ATXN7: variants seen among roughly 807,000 people sequenced by gnomAD.
ATXN7 encodes ataxin-7.
A neutral mutation model predicts 70.5 loss-of-function variants in ATXN7; 12 were observed. The ratio of observed to expected loss-of-function variants is 0.17; its 90% CI spans 0.11 to 0.28. The LOEUF (loss-of-function observed/expected upper bound fraction) is 0.28. Among genes scored for constraint, ATXN7 ranks in the 10% least tolerant of loss-of-function variants. The probability of loss-of-function intolerance (pLI) is 1.00; values close to 1 mark genes in which losing one functional copy is unlikely to be tolerated. For synonymous variants in ATXN7, 498 were observed against 448.7 expected (o/e 1.11, Z -1.39); for missense variants, 1,256 against 1,131.7 (o/e 1.11, Z -1.58).
Position 63,955,610 on chromosome 3 carries a change from G to A in ATXN7, c.499+3127G>A, listed in dbSNP as rs138342760. On this transcript the variant is annotated intron_variant, in intron 5 of 12. Transcript: ENST00000674280. ...TTATTTTTGGTACATTTTCTTTTTT[G>A]TTGAAATTTTTAGAAAGCCAGTTGT... 2.4e-4 allele frequency among the ~76,000 whole-genome samples: 37 copies of A among 152,266 alleles called. No homozygotes were observed. In the East Asian group the frequency reaches 5.8e-3, roughly 24 times the overall value.
intron 11 of ATXN7, among the ~76,000 whole-genome samples, chr3:63,993,475 T>C (rs577753927): frequency 6.7e-6 from 1 of 149,332 alleles, no homozygotes; most frequent in Non-Finnish European, 1.5e-5. Context: ...GAAAAACGAG[T>C]ATAAAGAGGC....
chr3:63,894,095 A>G (rs1703370978), intron 1 of ATXN7, among the ~76,000 whole-genome samples: 4 of 152,192 alleles, frequency 2.6e-5, no homozygotes, highest in Middle Eastern at 3.2e-3. Flanking sequence ...AGTTTTGGGG[A>G]CACAAGCATG....
At chr3:63,906,333 A>C (rs1282761668) in intron 2 of ATXN7, among the ~76,000 whole-genome samples, 1 of 152,198 alleles carries the variant, frequency 6.6e-6, no homozygotes, top group African/African-American at 2.4e-5. Flanking sequence ...AAGGAGGAAG[A>C]AGCATTTGTG....
Position 64,001,214 on chromosome 3 carries a change from A to G in ATXN7, c.*1747A>G, listed in dbSNP as rs988359846. The G allele has an allele frequency of 6.6e-6, 1 of 152,236 alleles. No homozygotes were observed. Among genetic ancestry groups the G allele is most frequent in the African/African-American group, 2.4e-5 (1 of 41,464 alleles). The allele number at this position is 152,236 out of a possible 1,614,324, so 9.4% of individuals were successfully genotyped here. A position where few individuals can be genotyped will look rare whatever the true frequency, so the allele number is the denominator to read the frequency against. On this transcript the variant is annotated 3_prime_UTR_variant, in exon 13 of 13. Transcript: ENST00000674280. ...ATGCAGATACTTTAGCTATAAATTG[A>G]TGTAAAATACTGATTTTTTTAAAGG...
chr3:63,955,236 C>T (rs1288829353), intron 5 of ATXN7, among the ~76,000 whole-genome samples: 1 of 152,126 alleles, frequency 6.6e-6, no homozygotes, highest in Non-Finnish European at 1.5e-5. Flanking sequence ...TGAGGTCCCT[C>T]TAGTGACAAG....
At chr3:63,992,043 C>G (rs1415942208) in intron 11 of ATXN7, among the ~76,000 whole-genome samples, 5 of 152,070 alleles carry the variant, frequency 3.3e-5, no homozygotes, top group African/African-American at 1.2e-4. Flanking sequence ...AGTGACTGTC[C>G]AGTAATCCCC....
chr3:63,883,016 T>C (rs1702963298), intron 1 of ATXN7, among the ~76,000 whole-genome samples: 1 of 152,238 alleles, frequency 6.6e-6, no homozygotes, highest in Admixed American at 6.5e-5. Flanking sequence ...CTTTTCTTTC[T>C]AAGGTGTTAT....
Position 63,902,401 on chromosome 3 carries a change from C to T in ATXN7, c.-12+3904C>T, listed in dbSNP as rs138881438. ...TTGCACTTGAGCCTGGGCAACAGAGCGAGACCCTGTCTCAAAGTAAATAAA... is the reference window on the plus strand; with the variant it reads ...TTGCACTTGAGCCTGGGCAACAGAGTGAGACCCTGTCTCAAAGTAAATAAA... On this transcript the variant is annotated intron_variant, in intron 2 of 12. Coordinates refer to ENST00000674280, the MANE Select transcript of ATXN7 (RefSeq NM_001377405.1). Among the ~76,000 whole-genome samples the T allele has an allele frequency of 4.7e-3, 716 of 152,094 alleles. 5 individuals carry two copies. The highest frequency in any genetic ancestry group is 8.1e-3 in the Admixed American group (123 of 15,264).
intron 12 of ATXN7, chr3:63,997,495 C>T (rs2106810168): frequency 2.7e-6 from 2 of 749,268 alleles, no homozygotes; most frequent in Middle Eastern, 2.3e-4. Flanking sequence ...GACTTTCTCT[C>T]TTAGGCTGTA....
chr3:63,928,577 T>C (rs945754212), intron 4 of ATXN7, among the ~76,000 whole-genome samples: 5 of 152,174 alleles, frequency 3.3e-5, no homozygotes, highest in African/African-American at 1.2e-4. Context: ...ATGGACTGCC[T>C]CAATCCTTAC....
At chr3:63,863,832 AGGCGGCGGTTGGC>A (rs1172502186), upstream of ATXN7, 1 of 1,218,592 alleles carries the variant, frequency 8.2e-7, no homozygotes, top group Non-Finnish European at 1.0e-6. Context: ...GCGCAAGCTG[AGGCGGCGGTTGGC>A]GGCGGCGGAG....
At chr3:63,967,787 T>TTACAGTAGTAGCAAATGTTACATA in intron 5 of ATXN7, 1 of 1,482,842 alleles carries the variant, frequency 6.7e-7, no homozygotes, top group South Asian at 1.3e-5. Flanking sequence ...CAAGTGCTTT[T>TTACAGTAGTAGCAAATGTTACATA]TACAGTAGTA....
At chr3:63,877,165 C>T (rs974803228) in intron 1 of ATXN7, among the ~76,000 whole-genome samples, 15 of 152,078 alleles carry the variant, frequency 9.9e-5, no homozygotes, top group Non-Finnish European at 2.1e-4. Context: ...TCAAGAATTA[C>T]ATAAATTTGG....
chr3:63,948,124 A>G (rs1487468178), intron 4 of ATXN7, among the ~76,000 whole-genome samples: 1 of 152,150 alleles, frequency 6.6e-6, no homozygotes, highest in Non-Finnish European at 1.5e-5. Flanking sequence ...GACTTCTTCC[A>G]GAGTTCATTG....
chr3:63,967,746 T>C (rs965527231), intron 5 of ATXN7: 70 of 1,409,474 alleles, frequency 5.0e-5, no homozygotes, highest in Non-Finnish European at 6.3e-5. Context: ...CACCCCCTGT[T>C]TTCTGTTGAT....
At chr3:63,982,114 C>T in intron 6 of ATXN7, 72 bp from the exon 7 acceptor site, 1 of 1,600,148 alleles carries the variant, frequency 6.2e-7, no homozygotes, top group Non-Finnish European at 8.5e-7. Context: ...ATCCTCATCC[C>T]TCTGGCTCAC....
chr3:63,962,375 T>C (rs981809790), intron 5 of ATXN7, among the ~76,000 whole-genome samples: 2 of 151,882 alleles, frequency 1.3e-5, no homozygotes, highest in African/African-American at 2.4e-5. Flanking sequence ...CCTCTTATGC[T>C]TGATATATTT....
At chr3:63,914,965 G>A (rs912432677) in intron 4 of ATXN7, among the ~76,000 whole-genome samples, 1 of 152,128 alleles carries the variant, frequency 6.6e-6, no homozygotes, top group African/African-American at 2.4e-5. Flanking sequence ...GGCCATGCTG[G>A]AGTGCAGTGG....
At chr3:63,898,117 A>C (rs952335403) in intron 1 of ATXN7, among the ~76,000 whole-genome samples, 1 of 152,202 alleles carries the variant, frequency 6.6e-6, no homozygotes, top group African/African-American at 2.4e-5. Flanking sequence ...TCATTAGTGC[A>C]AATTATATAC....
Sources: allele counts gnomAD v4.1 joint callset (sites outside exome capture counted in the v4.1 genomes callset), GRCh38; gene constraint gnomAD v4.1.1; transcripts MANE v1.5; gene names NCBI Gene and HGNC (gene_info 2026-07-23, HGNC 2026-07-21).